CCNE1: variants seen among roughly 807,000 people sequenced by gnomAD.
CCNE1 encodes cyclin E1.
CCNE1 carries 8 observed loss-of-function variants against 54.1 expected under a neutral mutation model. That is an observed-to-expected ratio of 0.15 (90% CI 0.09 to 0.27). The LOEUF (loss-of-function observed/expected upper bound fraction) is 0.27. Ranked by LOEUF, CCNE1 falls within the 10% of genes least tolerant of loss-of-function variation. The pLI is 1.00. For synonymous variants in CCNE1, 179 were observed against 185.2 expected, an observed-to-expected ratio of 0.97 and a Z score of 0.27; for missense variants, 430 against 514.9, an observed-to-expected ratio of 0.84 and a Z score of 1.60.
At position 29,822,065 on chromosome 19, in the gene CCNE1, C is replaced by T; in HGVS notation, c.775C>T (p.Leu259=). Reference sequence around the variant, plus strand: ...GAATGTATACATGCAGGTTGCATATCTAAATGACTTACATGAAGTGCTACT... The same window carrying T: ...GAATGTATACATGCAGGTTGCATATTTAAATGACTTACATGAAGTGCTACT... The part of the protein sequence containing the change: ...WLNVYMQVAY[L]NDLHEVLLPQ... The change falls in exon 9 of 12, where the codon CTA becomes TTA. Residue 259 remains leucine (L), a synonymous_variant. Coordinates refer to ENST00000262643, the MANE Select transcript of CCNE1 (RefSeq NM_001238.4). 1 of 1,613,926 alleles carries T rather than the reference C, an allele frequency of 6.2e-7. No homozygotes were observed. Among genetic ancestry groups the T allele is most frequent in the Non-Finnish European group, 8.5e-7 (1 of 1,179,802 alleles).
chr19:29,820,873 C>T (rs989718631), intron 7 of CCNE1, 25 bp downstream of exon 7: 3 of 1,540,912 alleles, frequency 1.9e-6, no homozygotes, highest in Non-Finnish European at 2.7e-6. Flanking sequence ...AATATTTGTT[C>T]TATAATGTGT....
rs1156925520 is a variant in CCNE1 at position 29,824,011 on chromosome 19, T to C, written c.*234T>C. 4 of 415,752 alleles carry C rather than the reference T, an allele frequency of 9.6e-6. No individual in the cohort carries two copies. The highest frequency in any genetic ancestry group is 6.0e-5 in the African/African-American group (3 of 49,650). 25.8% of individuals were successfully genotyped at this position (415,752 alleles called of 1,614,324 possible). A position where few individuals can be genotyped will look rare whatever the true frequency, so the allele number is the denominator to read the frequency against. ...TACACCAGCCACCTCCAGACACCAG[T>C]GCGTGCTCCCGATGCTGCTATGGAA... On this transcript the variant is annotated 3_prime_UTR_variant, in exon 12 of 12. Transcript: ENST00000262643.
At chr19:29,813,119 C>A (rs976303664) in intron 4 of CCNE1, 82 bp downstream of exon 4, 189 of 1,270,216 alleles carry the variant, frequency 1.5e-4, no homozygotes, top group Non-Finnish European at 2.1e-4. Context: ...TTGTCTCTTG[C>A]TGGAGACACT....
chr19:29,819,407 G>A (rs1006214630), intron 6 of CCNE1, among the ~76,000 whole-genome samples: 2 of 150,730 alleles, frequency 1.3e-5, no homozygotes, highest in South Asian at 2.2e-4. Context: ...CTCAGCCTCC[G>A]CAGTCCTTGG....
Position 29,817,256 on chromosome 19 carries a change from C to T in CCNE1, c.300C>T (p.Ser100=), listed in dbSNP as rs1974042200. 1.2e-6 allele frequency: 2 copies of T among 1,614,166 alleles called. No homozygotes were observed. ...GCAAGCCTCGGATTATTGCACCATC[C>T]AGAGGCTCCCCGCTGCCTGTACTGA... is the stretch of plus-strand genomic sequence containing the variant. ...STCKPRIIAP[S]RGSPLPVLSW... The change falls in exon 5 of 12, where the codon TCC becomes TCT. Residue 100 remains serine (S), a synonymous_variant. Transcript: ENST00000262643.
In CCNE1 at chr19:29,812,998, C is replaced by G; in HGVS notation, c.141C>G (p.Ala47=). 6.2e-7 allele frequency: 1 copy of G among 1,614,062 alleles called. No individual in the cohort carries two copies. The highest frequency in any genetic ancestry group is 8.5e-7 in the Non-Finnish European group (1 of 1,180,002). The change falls in exon 4 of 12, where the codon GCC becomes GCG. Residue 47 remains alanine (A), a synonymous_variant. Coordinates refer to ENST00000262643, the MANE Select transcript of CCNE1 (RefSeq NM_001238.4). ...VFLQDPDEEM[A]KIDRTARDQC... ...TGCAGGATCCAGATGAAGAAATGGCCAAAATCGACAGGACGGCGAGGGACC... is the reference window on the plus strand; with the variant it reads ...TGCAGGATCCAGATGAAGAAATGGCGAAAATCGACAGGACGGCGAGGGACC...
At chr19:29,818,812 G>T (rs3218049) in intron 6 of CCNE1, among the ~76,000 whole-genome samples, 2,591 of 150,564 alleles carry the variant, frequency 0.017, 52 homozygotes, top group African/African-American at 0.051. Flanking sequence ...GCCCAGGCTG[G>T]CATGCAATGG....
chr19:29,815,511 C>T (rs775764274), intron 4 of CCNE1, among the ~76,000 whole-genome samples: 1 of 152,052 alleles, frequency 6.6e-6, no homozygotes. Flanking sequence ...GTGTTGTGGT[C>T]GCCACCATGT....
rs776768280 is a variant in CCNE1, at chr19:29,817,393, T to C, written c.327-13T>C. The C allele has an allele frequency of 6.2e-7, 1 of 1,614,116 alleles. No individual in the cohort carries two copies. The highest frequency in any genetic ancestry group is 1.1e-5 in the South Asian group (1 of 91,080). Reference sequence around the variant, plus strand: ...CTTTGTGGGCCTCATTTTTGTTGTGTGTTTTGTTGTAGCTGGGCAAATAGA... The same window carrying C: ...CTTTGTGGGCCTCATTTTTGTTGTGCGTTTTGTTGTAGCTGGGCAAATAGA... On this transcript the variant is annotated splice_polypyrimidine_tract_variant and intron_variant, in intron 5 of 11. Coordinates refer to ENST00000262643, the MANE Select transcript of CCNE1 (RefSeq NM_001238.4).
Position 29,823,891 on chromosome 19 carries a change from C to T in CCNE1, c.*114C>T. 2 of 1,148,602 alleles carry T rather than the reference C, an allele frequency of 1.7e-6. No homozygotes were observed. Among genetic ancestry groups the T allele is most frequent in the Non-Finnish European group, 2.4e-6 (2 of 833,074 alleles). The allele number at this position is 1,148,602 out of a possible 1,614,324, so 71.2% of individuals were successfully genotyped here. A position where few individuals can be genotyped will look rare whatever the true frequency, so the allele number is the denominator to read the frequency against. On this transcript the variant is annotated 3_prime_UTR_variant, in exon 12 of 12. Transcript: ENST00000262643. The stretch of plus-strand genomic sequence containing the variant: ...CAGATATCTGAATGGAAGAGTGTTT[C>T]TTCCACAACAGAAGTATTTCTGTGG...
At chr19:29,819,521 A>T (rs1369207172) in intron 6 of CCNE1, among the ~76,000 whole-genome samples, 1 of 152,074 alleles carries the variant, frequency 6.6e-6, no homozygotes, top group Non-Finnish European at 1.5e-5. Flanking sequence ...GGATCAAGGG[A>T]TCCCCATGCC....
chr19:29,818,273 G>T (rs901778700), intron 6 of CCNE1, among the ~76,000 whole-genome samples: 1 of 152,064 alleles, frequency 6.6e-6, no homozygotes, highest in Non-Finnish European at 1.5e-5. Context: ...TGGTTTGCCC[G>T]CCTTGGCCTC....
At chr19:29,816,852 C>T (rs1974029086) in intron 4 of CCNE1, among the ~76,000 whole-genome samples, 2 of 123,756 alleles carry the variant, frequency 1.6e-5, no homozygotes, top group South Asian at 3.0e-4. Context: ...TCCCTCCCCC[C>T]TCCCCCCCAT....
intron 6 of CCNE1, among the ~76,000 whole-genome samples, chr19:29,818,126 A>G (rs1159380589): frequency 6.6e-6 from 1 of 150,558 alleles, no homozygotes; most frequent in East Asian, 2.0e-4. Flanking sequence ...TCCCGGGTTC[A>G]TGCCATTCTC....
Position 29,813,040 on chromosome 19 carries a change from A to G in CCNE1, c.180+3A>G. Reference sequence around the variant, plus strand: ...CGAGGGACCAGTGTGGGAGCCAGGTAGGTCCGCCCGGGGTTGGGCCTCTGT... The same window carrying G: ...CGAGGGACCAGTGTGGGAGCCAGGTGGGTCCGCCCGGGGTTGGGCCTCTGT... On this transcript the variant is annotated splice_donor_region_variant and intron_variant, in intron 4 of 11. Transcript: ENST00000262643. The G allele has an allele frequency of 6.2e-7, 1 of 1,614,120 alleles. No homozygotes were observed. Among genetic ancestry groups the G allele is most frequent in the Non-Finnish European group, 8.5e-7 (1 of 1,179,974 alleles).
rs994187408 is a variant in CCNE1, at chr19:29,812,510, C to G, written c.-24-22C>G. The G allele has an allele frequency of 1.1e-5, 14 of 1,281,050 alleles. No homozygotes were observed. In the African/African-American group the frequency reaches 1.9e-4, roughly 17 times the overall value. 79.4% of individuals were successfully genotyped at this position (1,281,050 alleles called of 1,614,324 possible). ...GCCCGCGGCCTGACCCCGCCGCCGC[C>G]TCACCCCGCGCCGCCCCGCAGGCCT... On this transcript the variant is annotated intron_variant, in intron 1 of 11. Transcript: ENST00000262643.
At chr19:29,822,628 C>T (rs932310669) in intron 11 of CCNE1, 25 bp downstream of exon 11, 1 of 1,586,080 alleles carries the variant, frequency 6.3e-7, no homozygotes, top group Non-Finnish European at 8.6e-7. Flanking sequence ...TTCTTTCAGT[C>T]CTTCTTGGCC....
At chr19:29,819,644 TAAC>T (rs1313505999) in intron 6 of CCNE1, among the ~76,000 whole-genome samples, 6 of 152,238 alleles carry the variant, frequency 3.9e-5, no homozygotes, top group South Asian at 4.1e-4. Flanking sequence ...AGAACAAGTA[TAAC>T]AACATTTGAT....
At chr19:29,820,558 C>G in intron 6 of CCNE1, 144 bp from the exon 7 acceptor site, 1 of 611,014 alleles carries the variant, frequency 1.6e-6, no homozygotes, top group Non-Finnish European at 2.8e-6. Context: ...AAAAAAAAAA[C>G]AAAAAAACAA....
Sources: gnomAD v4.1 joint callset for allele counts (sites outside exome capture counted in the v4.1 genomes callset) on GRCh38, gnomAD v4.1.1 for gene constraint, MANE v1.5 for transcripts, NCBI Gene and HGNC (gene_info 2026-07-23, HGNC 2026-07-21) for gene names.